Variants in OSBP2 observed in about 807,000 individuals in gnomAD.
The protein encoded by OSBP2 is oxysterol binding protein 2, also known as oxysterol-binding protein 2.
OSBP2 carries 66 observed loss-of-function variants against 96.0 expected under a neutral mutation model. The observed-to-expected ratio is 0.69, with a 90% CI of 0.56 to 0.84. The LOEUF is 0.84. Among genes scored for constraint, OSBP2 ranks in the 40% least tolerant of loss-of-function variants. The pLI is 0.00. For missense variants in OSBP2, 1,038 were observed against 1,222.7 expected, an observed-to-expected ratio of 0.85 and a Z score of 2.25; for synonymous variants, 525 against 520.9, an observed-to-expected ratio of 1.01 and a Z score of -0.11.
chr22:30,727,332 A>G (rs1240939603), intron 1 of OSBP2, among the ~76,000 whole-genome samples: 1 of 152,156 alleles, frequency 6.6e-6, no homozygotes, highest in Admixed American at 6.5e-5. Flanking sequence ...GCCCTCTGAC[A>G]TGCCTTCTGT....
chr22:30,767,529 T>A (rs1052835059), intron 2 of OSBP2, among the ~76,000 whole-genome samples: 1 of 144,194 alleles, frequency 6.9e-6, no homozygotes, highest in African/African-American at 2.7e-5. Flanking sequence ...GATGTATCTT[T>A]AAAAGATCAG....
intron 2 of OSBP2, among the ~76,000 whole-genome samples, chr22:30,847,959 TATAC>T (rs1225106512): frequency 6.6e-6 from 1 of 152,190 alleles, no homozygotes; most frequent in Non-Finnish European, 1.5e-5. Flanking sequence ...CTGTTTTTCT[TATAC>T]ATTCTTTTAA....
intron 2 of OSBP2, among the ~76,000 whole-genome samples, chr22:30,753,004 C>T (rs773726092): frequency 6.6e-6 from 1 of 152,150 alleles, no homozygotes; most frequent in Non-Finnish European, 1.5e-5. Flanking sequence ...CCCATCATGA[C>T]CCTAGCTACT....
intron 2 of OSBP2, among the ~76,000 whole-genome samples, chr22:30,829,666 CT>C (rs757430288): frequency 6.6e-6 from 1 of 152,322 alleles, no homozygotes; most frequent in Non-Finnish European, 1.5e-5. Context: ...TAAAATTGTT[CT>C]GATTTGTCAG....
rs2040352966 is a variant in OSBP2 at position 30,907,300 on chromosome 22, CTCTT to C, written c.*963_*966del. The stretch of plus-strand genomic sequence containing the variant: ...GTGCCCCATCTCAGTGTCCCCTGAA[CTCTT>C]TATTTGCCTAATTTATATATATATA... On this transcript the variant is annotated 3_prime_UTR_variant, in exon 14 of 14. Transcript: ENST00000332585. 1 of 152,156 alleles carries C rather than the reference CTCTT, an allele frequency of 6.6e-6. No homozygotes were observed. Among genetic ancestry groups the C allele is most frequent in the African/African-American group, 2.4e-5 (1 of 41,346 alleles). 9.4% of individuals were successfully genotyped at this position (152,156 alleles called of 1,614,324 possible).
chr22:30,854,357 G>A (rs1011171828), intron 2 of OSBP2, among the ~76,000 whole-genome samples: 11 of 146,064 alleles, frequency 7.5e-5, no homozygotes, highest in African/African-American at 2.8e-4. Flanking sequence ...TGCCCAGGCT[G>A]GAGTGCAGTG....
At chr22:30,778,916 A>G (rs1271993337) in intron 2 of OSBP2, among the ~76,000 whole-genome samples, 1 of 151,240 alleles carries the variant, frequency 6.6e-6, no homozygotes, top group African/African-American at 2.4e-5. Context: ...GGCACCTGTA[A>G]TCCCAGCTAC....
chr22:30,835,504 G>C (rs9621107), intron 2 of OSBP2, among the ~76,000 whole-genome samples: 8,893 of 152,122 alleles, frequency 0.058, 280 homozygotes, highest in Non-Finnish European at 0.064. Context: ...CTATCCTTAT[G>C]CCAACACCAC....
chr22:30,812,062 C>T (rs1278213452), intron 2 of OSBP2, among the ~76,000 whole-genome samples: 6 of 151,692 alleles, frequency 4.0e-5, no homozygotes, highest in South Asian at 2.1e-4. Context: ...GCTATGTTGC[C>T]CAGGCTGGTC....
chr22:30,837,103 A>T (rs2038650983), intron 2 of OSBP2, among the ~76,000 whole-genome samples: 1 of 151,922 alleles, frequency 6.6e-6, no homozygotes, highest in Non-Finnish European at 1.5e-5. Flanking sequence ...CAACAACTAA[A>T]ATACAAAAAT....
intron 8 of OSBP2, among the ~76,000 whole-genome samples, chr22:30,892,677 G>GC (rs931567618): frequency 2.1e-4 from 32 of 152,254 alleles, no homozygotes; most frequent in African/African-American, 7.5e-4. Context: ...CAGAGGCAGG[G>GC]CCCGACTGCC....
chr22:30,828,620 C>T (rs970594557), intron 2 of OSBP2, among the ~76,000 whole-genome samples: 9 of 152,186 alleles, frequency 5.9e-5, no homozygotes, highest in African/African-American at 2.2e-4. Flanking sequence ...CGTGGGCAAG[C>T]AGCTAAGGGG....
rs768393956 is a variant in OSBP2 at position 30,890,681 on chromosome 22, AAGCCGGGGCTGGTGCCC to A, written c.1624-42_1624-26del. ...CCGAGAAAAGCAAGGGCACCATGCC[AAGCCGGGGCTGGTGCCC>A]AGCCTGACCACCCACCTGTCCACCC... is the stretch of plus-strand genomic sequence containing the variant. On this transcript the variant is annotated intron_variant, in intron 7 of 13. Coordinates refer to ENST00000332585, the MANE Select transcript of OSBP2 (RefSeq NM_030758.4). The surrounding 1 kb of genome is among the most constrained non-coding windows in gnomAD (Gnocchi z 4.4). The A allele has an allele frequency of 6.3e-7, 1 of 1,599,400 alleles. No homozygotes were observed. The highest frequency in any genetic ancestry group is 1.7e-5 in the Admixed American group (1 of 59,880).
Position 30,906,369 on chromosome 22 carries a change from T to C in OSBP2, c.*30T>C. The C allele has an allele frequency of 6.4e-7, 1 of 1,564,114 alleles. No individual in the cohort carries two copies. Among genetic ancestry groups the C allele is most frequent in the Non-Finnish European group, 8.7e-7 (1 of 1,154,598 alleles). On this transcript the variant is annotated 3_prime_UTR_variant, in exon 14 of 14. Transcript: ENST00000332585. ...CACCCTTGCAACAAATACAGGCGCCTGCACAGCCTGGCCCACCTGTTCATT... is the reference window on the plus strand; with the variant it reads ...CACCCTTGCAACAAATACAGGCGCCCGCACAGCCTGGCCCACCTGTTCATT...
intron 3 of OSBP2, among the ~76,000 whole-genome samples, chr22:30,873,042 C>T (rs2039492383): frequency 6.6e-6 from 1 of 152,188 alleles, no homozygotes; most frequent in Non-Finnish European, 1.5e-5. Flanking sequence ...ACCTCCAAAC[C>T]TCCAGGGAGC....
intron 2 of OSBP2, among the ~76,000 whole-genome samples, chr22:30,773,718 G>A (rs1451308419): frequency 1.3e-5 from 2 of 152,100 alleles, no homozygotes; most frequent in Non-Finnish European, 2.9e-5. Context: ...CACAGGCTCT[G>A]GGTGTAGAGG....
chr22:30,830,132 C>T (rs1163182874), intron 2 of OSBP2, among the ~76,000 whole-genome samples: 1 of 152,232 alleles, frequency 6.6e-6, no homozygotes, highest in African/African-American at 2.4e-5. Context: ...CTCCTGGCAT[C>T]TGGTTTTCCT....
intron 2 of OSBP2, among the ~76,000 whole-genome samples, chr22:30,821,807 C>G (rs2038278982): frequency 6.6e-6 from 1 of 152,234 alleles, no homozygotes. Flanking sequence ...CTAAAAGACA[C>G]AGAGGCAGTT....
intron 1 of OSBP2, among the ~76,000 whole-genome samples, chr22:30,706,833 A>G (rs118120673): frequency 0.015 from 2,291 of 152,124 alleles, 30 homozygotes; most frequent in Middle Eastern, 0.044. Context: ...CTGAAATCCT[A>G]TCTGGGTAGG....
Sources: allele counts gnomAD v4.1 joint callset (sites outside exome capture counted in the v4.1 genomes callset), GRCh38; gene constraint gnomAD v4.1.1; non-coding constraint Gnocchi (gnomAD v3.1); transcripts MANE v1.5; gene names NCBI Gene and HGNC (gene_info 2026-07-23, HGNC 2026-07-21).